TP53BP1: variants seen among roughly 807,000 people sequenced by gnomAD.
TP53BP1 encodes tumor protein p53 binding protein 1.
Under a neutral mutation model 200.8 loss-of-function variants are expected in TP53BP1, and 61 were observed. The observed-to-expected ratio is 0.30, with a 90% CI of 0.25 to 0.38. TP53BP1 has a LOEUF of 0.38. TP53BP1 is among the 10% of genes least tolerant of loss of function. The pLI is 1.00. For synonymous variants in TP53BP1, 822 were observed against 844.3 expected, an observed-to-expected ratio of 0.97 and a Z score of 0.46; for missense variants, 2,144 against 2,371.9, an observed-to-expected ratio of 0.90 and a Z score of 2.00.
intron 11 of TP53BP1, among the ~76,000 whole-genome samples, chr15:43,459,844 T>C (rs2046388706): frequency 6.6e-6 from 1 of 152,112 alleles, no homozygotes; most frequent in Admixed American, 6.6e-5. Flanking sequence ...TTTTAAAATG[T>C]CTTTTAGAAA....
intron 12 of TP53BP1, among the ~76,000 whole-genome samples, chr15:43,449,207 G>C (rs1218318873): frequency 6.6e-6 from 1 of 152,162 alleles, no homozygotes; most frequent in East Asian, 1.9e-4. Flanking sequence ...CTAACTGACA[G>C]ACATCCACCA....
intron 12 of TP53BP1, among the ~76,000 whole-genome samples, chr15:43,452,461 G>A (rs1383570989): frequency 6.6e-6 from 1 of 151,928 alleles, no homozygotes; most frequent in Non-Finnish European, 1.5e-5. Flanking sequence ...GGGGCGGGGG[G>A]CTGAAGTGGG....
At chr15:43,487,401 G>A (rs2079061079) in intron 4 of TP53BP1, among the ~76,000 whole-genome samples, 1 of 152,048 alleles carries the variant, frequency 6.6e-6, no homozygotes, top group African/African-American at 2.4e-5. Context: ...GAAAAGTTTG[G>A]CAGTTTCTTA....
chr15:43,439,033 A>C (rs2045867348), intron 15 of TP53BP1, among the ~76,000 whole-genome samples: 1 of 152,226 alleles, frequency 6.6e-6, no homozygotes, highest in African/African-American at 2.4e-5. Context: ...AATTATCTTC[A>C]AAATAATTCA....
At chr15:43,437,753 T>C (rs34438389) in intron 16 of TP53BP1, among the ~76,000 whole-genome samples, 8,459 of 152,314 alleles carry the variant, frequency 0.056, 347 homozygotes, top group Middle Eastern at 0.092. Flanking sequence ...GAATACACTA[T>C]AGTCCCTCAA....
intron 1 of TP53BP1, among the ~76,000 whole-genome samples, chr15:43,500,777 C>T (rs145349615): frequency 5.0e-3 from 758 of 152,168 alleles, no homozygotes; most frequent in Non-Finnish European, 5.6e-3. Flanking sequence ...GCCGAAATCA[C>T]GCTGCTGCAC....
intron 8 of TP53BP1, among the ~76,000 whole-genome samples, chr15:43,477,231 C>T (rs1338272095): frequency 5.4e-5 from 8 of 149,318 alleles, no homozygotes; most frequent in African/African-American, 2.0e-4. Context: ...TCCCGGGAGG[C>T]GGAGCTTGCA....
chr15:43,441,514 A>G lies in TP53BP1; in HGVS notation c.3098+12T>C, dbSNP rs1219224058. On this transcript the variant is annotated intron_variant, in intron 15 of 27. Transcript: ENST00000382044. ...GTGTATTAAACTCTAAATAGCATCC[A>G]GCTTTGGTTACCTGGCAACAGACTC... 6.3e-7 allele frequency: 1 copy of G among 1,598,508 alleles called. No homozygotes were observed. The highest frequency in any genetic ancestry group is 8.6e-7 in the Non-Finnish European group (1 of 1,165,954).
intron 12 of TP53BP1, among the ~76,000 whole-genome samples, chr15:43,449,296 T>C (rs1595568693): frequency 6.6e-6 from 1 of 152,152 alleles, no homozygotes; most frequent in East Asian, 1.9e-4. Flanking sequence ...GTTGTTCTAA[T>C]AAAGAACTTA....
At chr15:43,501,931 T>C (rs1475799533) in intron 1 of TP53BP1, among the ~76,000 whole-genome samples, 1 of 152,252 alleles carries the variant, frequency 6.6e-6, no homozygotes, top group East Asian at 1.9e-4. Flanking sequence ...ACATTTGTTT[T>C]CATTTATCTT....
chr15:43,447,487 T>TTA lies in TP53BP1; in HGVS notation c.2717-3_2717-2insTA. On this transcript the variant is annotated splice_region_variant and splice_polypyrimidine_tract_variant and intron_variant, in intron 12 of 27. Coordinates refer to ENST00000382044, the MANE Select transcript of TP53BP1 (RefSeq NM_001141980.3). ...GCAAAGTGAAATGAAATGGGGTTTC[T>TTA]GAAAAAAAAAAAAAAAAGAAAAAAG... 6 of 1,293,876 alleles carry TTA rather than the reference T, an allele frequency of 4.6e-6. No homozygotes were observed. The highest frequency in any genetic ancestry group is 6.0e-6 in the Non-Finnish European group (6 of 1,006,848). 80.1% of individuals were successfully genotyped at this position (1,293,876 alleles called of 1,614,324 possible). A position where few individuals can be genotyped will look rare whatever the true frequency, so the allele number is the denominator to read the frequency against.
At chr15:43,506,303 T>C (rs1169237599) in intron 1 of TP53BP1, among the ~76,000 whole-genome samples, 1 of 152,234 alleles carries the variant, frequency 6.6e-6, no homozygotes, top group Non-Finnish European at 1.5e-5. Context: ...AACTTAGAGA[T>C]GCCCTTCCCA....
rs748586950 is a variant in TP53BP1, at chr15:43,403,838, C to G, written c.*3545G>C. The G allele has an allele frequency of 3.3e-6, 5 of 1,508,604 alleles. No homozygotes were observed. Among genetic ancestry groups the G allele is most frequent in the Non-Finnish European group, 4.6e-6 (5 of 1,084,642 alleles). The allele number at this position is 1,508,604 out of a possible 1,614,324, so 93.5% of individuals were successfully genotyped here. A position where few individuals can be genotyped will look rare whatever the true frequency, so the allele number is the denominator to read the frequency against. On this transcript the variant is annotated 3_prime_UTR_variant, in exon 28 of 28. Transcript: ENST00000382044. The stretch of plus-strand genomic sequence containing the variant: ...GAAGTATGCAGCCTTGCCGAAAGGA[C>G]AGAGGTGGTTTTGCCAATGGAGAAT...
chr15:43,427,957 C>CGA, intron 18 of TP53BP1, 59 bp downstream of exon 18: 3 of 1,000,426 alleles, frequency 3.0e-6, no homozygotes, highest in Non-Finnish European at 4.1e-6. Context: ...ACCCTGTCTC[C>CGA]AAAAAAAAAA....
chr15:43,472,706 TTAA>T (rs1320502709), intron 10 of TP53BP1, among the ~76,000 whole-genome samples: 3 of 152,252 alleles, frequency 2.0e-5, no homozygotes, highest in Non-Finnish European at 2.9e-5. Flanking sequence ...TAGGCCATTA[TTAA>T]TAAGTCCAGT....
At chr15:43,459,824 C>T (rs1425632524) in intron 11 of TP53BP1, among the ~76,000 whole-genome samples, 1 of 152,002 alleles carries the variant, frequency 6.6e-6, no homozygotes, top group Admixed American at 6.6e-5. Flanking sequence ...CGCCACAACA[C>T]CCAGGTAATT....
chr15:43,508,186 C>T (rs966487926), intron 1 of TP53BP1, among the ~76,000 whole-genome samples: 4 of 152,034 alleles, frequency 2.6e-5, no homozygotes, highest in Non-Finnish European at 2.9e-5. Flanking sequence ...ATGGTGAAAC[C>T]CCGTCTCTAC....
intron 22 of TP53BP1, 28 bp downstream of exon 22, chr15:43,416,197 G>C (rs1313664501): frequency 5.0e-6 from 8 of 1,593,438 alleles, no homozygotes; most frequent in African/African-American, 1.3e-5. Context: ...GAGCCCAAAA[G>C]CAGCTGTTCA....
chr15:43,504,793 A>T (rs952545284), intron 1 of TP53BP1, among the ~76,000 whole-genome samples: 2 of 152,094 alleles, frequency 1.3e-5, no homozygotes, highest in African/African-American at 4.8e-5. Context: ...GCCGAGGCGG[A>T]GAGATCACCT....
Sources: gnomAD v4.1 joint callset for allele counts (sites outside exome capture counted in the v4.1 genomes callset) on GRCh38, gnomAD v4.1.1 for gene constraint, MANE v1.5 for transcripts, NCBI Gene and HGNC (gene_info 2026-07-23, HGNC 2026-07-21) for gene names.